The following ACTL6B variants were observed in gnomAD, a reference collection of about 807,000 sequenced individuals.
The protein encoded by ACTL6B is actin like 6B, also known as actin-like protein 6B.
ACTL6B carries 48 observed loss-of-function variants against 63.3 expected under a neutral mutation model. That is an observed-to-expected ratio of 0.76 (90% CI 0.60 to 0.96). The LOEUF is 0.96. Among genes scored for constraint, ACTL6B ranks in the 50% least tolerant of loss-of-function variants. The probability of loss-of-function intolerance (pLI) is 0.00; values close to 1 mark genes in which losing one functional copy is unlikely to be tolerated. For synonymous variants in ACTL6B, 230 were observed against 223.8 expected (o/e 1.03, Z -0.25); for missense variants, 350 against 572.2 (o/e 0.61, Z 3.96).
At chr7:100,653,216 G>C (rs1418309667) in intron 4 of ACTL6B, among the ~76,000 whole-genome samples, 1 of 152,032 alleles carries the variant, frequency 6.6e-6, no homozygotes, top group Non-Finnish European at 1.5e-5. Flanking sequence ...GTTAGCTGAA[G>C]TAGAAGGATC....
chr7:100,656,211 C>T, intron 1 of ACTL6B, 119 bp downstream of exon 1: 1 of 1,215,238 alleles, frequency 8.2e-7, no homozygotes, highest in African/African-American at 1.6e-5. Context: ...GAGACCCGAG[C>T]CTGAGACTCG....
chr7:100,652,416 C>T (rs1803956771), intron 4 of ACTL6B, among the ~76,000 whole-genome samples: 1 of 124,126 alleles, frequency 8.1e-6, no homozygotes. Flanking sequence ...AGTGAGACTC[C>T]ATCTCAAAAA....
chr7:100,654,432 CATA>C (rs146623180), intron 4 of ACTL6B, among the ~76,000 whole-genome samples: 25,995 of 137,132 alleles, frequency 0.19, 2,661 homozygotes, highest in Middle Eastern at 0.33. Flanking sequence ...CAAAGTTGAC[CATA>C]ATAATAATAA....
rs369668245 is a variant in ACTL6B, at chr7:100,650,030, G to A, written c.467+8C>T. The A allele has an allele frequency of 1.2e-5, 20 of 1,613,046 alleles. No homozygotes were observed. The African/African-American group carries it at 2.5e-4, about 20-fold the overall frequency. ...CACCCAGTCAGAGCAGCTCAGTCCA[G>A]AGGATACGCGGTGAGCACAGCCGTC... On this transcript the variant is annotated splice_region_variant and intron_variant, in intron 5 of 13. Coordinates refer to ENST00000160382, the MANE Select transcript of ACTL6B (RefSeq NM_016188.5).
Position 100,650,061 on chromosome 7 carries a change from TAAG to T in ACTL6B, c.441_443del (p.Phe147del), listed in dbSNP as rs772520618. The stretch of plus-strand genomic sequence containing the variant: ...ACGCGGTGAGCACAGCCGTCTTGCA[TAAG>T]AAGAAGGCAGGAATGTTGTACTGCT... On this transcript the variant is annotated inframe_deletion, in exon 5 of 14. Coordinates refer to ENST00000160382, the MANE Select transcript of ACTL6B (RefSeq NM_016188.5). 1.1e-5 allele frequency: 18 copies of T among 1,613,796 alleles called. No individual in the cohort carries two copies. The highest frequency in any genetic ancestry group is 1.7e-5 in the Admixed American group (1 of 59,978).
Position 100,647,406 on chromosome 7 carries a change from G to A in ACTL6B, c.759+38C>T. Reference sequence around the variant, plus strand: ...CTGTCCCGCCCCCGATTCATGGCAGGGGAGGGGGGTTTCAGGTGGCCCTCT... The same window carrying A: ...CTGTCCCGCCCCCGATTCATGGCAGAGGAGGGGGGTTTCAGGTGGCCCTCT... On this transcript the variant is annotated intron_variant, in intron 8 of 13. Transcript: ENST00000160382. This position sits in a 1 kb window ranked among gnomAD's most constrained non-coding sequence, Gnocchi z 4.4. 6.3e-7 allele frequency: 1 copy of A among 1,599,300 alleles called. No individual in the cohort carries two copies. The highest frequency in any genetic ancestry group is 8.6e-7 in the Non-Finnish European group (1 of 1,167,452).
At chr7:100,654,998 G>T (rs370976935) in intron 4 of ACTL6B, 21 bp downstream of exon 4, 1 of 1,598,212 alleles carries the variant, frequency 6.3e-7, no homozygotes, top group Non-Finnish European at 8.6e-7. Context: ...GGTTGGACAT[G>T]AGGATGGAGG....
At position 100,647,642 on chromosome 7, in the gene ACTL6B, T is replaced by A; in HGVS notation, c.670-109A>T. ...AGCTACCTGGCGCTGCAGGCTCTGC[T>A]GTGCTGCCTGCAAGAGGGGTTTCTC... is the stretch of plus-strand genomic sequence containing the variant. On this transcript the variant is annotated intron_variant, in intron 7 of 13. Coordinates refer to ENST00000160382, the MANE Select transcript of ACTL6B (RefSeq NM_016188.5). This position sits in a 1 kb window ranked among gnomAD's most constrained non-coding sequence, Gnocchi z 4.4. The A allele has an allele frequency of 1.3e-6, 1 of 787,494 alleles. No individual in the cohort carries two copies. Among genetic ancestry groups the A allele is most frequent in the Non-Finnish European group, 2.1e-6 (1 of 485,974 alleles). The allele number at this position is 787,494 out of a possible 1,614,324, so 48.8% of individuals were successfully genotyped here.
chr7:100,644,658 G>A (rs1200999221), intron 13 of ACTL6B, among the ~76,000 whole-genome samples: 2 of 152,014 alleles, frequency 1.3e-5, no homozygotes, highest in Non-Finnish European at 2.9e-5. Context: ...TGTTGCCCAG[G>A]CTGGTCTAGA....
In ACTL6B at chr7:100,655,963, C is replaced by A. The variant is rs1804032711; in HGVS notation, c.26-84G>T. Reference sequence around the variant, plus strand: ...CTCCGAGAGAAAGTCAGGGCAGAGCCACAGTCTCGCCACTTTCAACACCAG... The same window carrying A: ...CTCCGAGAGAAAGTCAGGGCAGAGCAACAGTCTCGCCACTTTCAACACCAG... On this transcript the variant is annotated intron_variant, in intron 1 of 13. Transcript: ENST00000160382. The surrounding 1 kb of genome is among the most constrained non-coding windows in gnomAD (Gnocchi z 4.4). 1.2e-5 allele frequency: 17 copies of A among 1,382,902 alleles called. 1 individual carries two copies. In the South Asian group the frequency reaches 2.2e-4, roughly 17 times the overall value. The allele number at this position is 1,382,902 out of a possible 1,614,324, so 85.7% of individuals were successfully genotyped here.
chr7:100,655,138 C>A lies in ACTL6B; in HGVS notation c.269-19G>T. On this transcript the variant is annotated intron_variant, in intron 3 of 13. Coordinates refer to ENST00000160382, the MANE Select transcript of ACTL6B (RefSeq NM_016188.5). The surrounding 1 kb of genome is among the most constrained non-coding windows in gnomAD (Gnocchi z 4.4). ...TCCTCGACTGGGGCCAGAAGAGCAG[C>A]GTGCAGAGACGCAAGAAGGCAGGCA... 1 of 1,596,028 alleles carries A rather than the reference C, an allele frequency of 6.3e-7. No individual in the cohort carries two copies. The highest frequency in any genetic ancestry group is 8.6e-7 in the Non-Finnish European group (1 of 1,164,164).
chr7:100,643,331 G>T lies in ACTL6B; in HGVS notation c.1201-5C>A, dbSNP rs1416511272. 3.1e-6 allele frequency: 5 copies of T among 1,613,510 alleles called. No individual in the cohort carries two copies. The highest frequency in any genetic ancestry group is 4.2e-6 in the Non-Finnish European group (5 of 1,179,966). ...CCACATCTGCTGGAAAGTGCCCTGG[G>T]TGGAGGGGGTAATATCAGGGTCAGG... On this transcript the variant is annotated splice_polypyrimidine_tract_variant and splice_region_variant and intron_variant, in intron 13 of 13. Transcript: ENST00000160382.
At position 100,646,909 on chromosome 7, in the gene ACTL6B, C is replaced by G; in HGVS notation, c.936+62G>C. 4 of 1,602,740 alleles carry G rather than the reference C, an allele frequency of 2.5e-6. No individual in the cohort carries two copies. The highest frequency in any genetic ancestry group is 2.2e-5 in the East Asian group (1 of 44,728). ...CCCTGCAATCCTTCCCAGCCTCCCC[C>G]ACGCCCCAGGATCCAGGGACTGCAG... is the stretch of plus-strand genomic sequence containing the variant. On this transcript the variant is annotated intron_variant, in intron 10 of 13. Transcript: ENST00000160382. This position sits in a 1 kb window ranked among gnomAD's most constrained non-coding sequence, Gnocchi z 6.1.
intron 4 of ACTL6B, among the ~76,000 whole-genome samples, chr7:100,650,654 T>C (rs75277881): frequency 0.047 from 7,194 of 151,892 alleles, 229 homozygotes; most frequent in South Asian, 0.069. Flanking sequence ...CTGGACAACA[T>C]AGTGAGATGC....
intron 4 of ACTL6B, among the ~76,000 whole-genome samples, chr7:100,652,784 C>T (rs911991443): frequency 6.6e-5 from 10 of 150,542 alleles, no homozygotes; most frequent in Admixed American, 2.7e-4. Flanking sequence ...CGGTGGATCA[C>T]GAGGTCAAGA....
intron 5 of ACTL6B, chr7:100,649,830 G>C (rs1452424843): frequency 1.9e-6 from 1 of 520,496 alleles, no homozygotes; most frequent in Non-Finnish European, 3.5e-6. Flanking sequence ...CCGGGGAACC[G>C]AAAGGGGCCG....
intron 4 of ACTL6B, 35 bp downstream of exon 4, chr7:100,654,984 T>C: frequency 6.4e-7 from 1 of 1,559,850 alleles, no homozygotes; most frequent in Non-Finnish European, 8.8e-7. Context: ...GCAGTGGAGA[T>C]CAGGGTTGGA....
chr7:100,647,425 G>A lies in ACTL6B; in HGVS notation c.759+19C>T. 1.2e-6 allele frequency: 2 copies of A among 1,606,520 alleles called. No individual in the cohort carries two copies. Among genetic ancestry groups the A allele is most frequent in the Non-Finnish European group, 8.5e-7 (1 of 1,173,896 alleles). On this transcript the variant is annotated intron_variant, in intron 8 of 13. Coordinates refer to ENST00000160382, the MANE Select transcript of ACTL6B (RefSeq NM_016188.5). The surrounding 1 kb of genome is among the most constrained non-coding windows in gnomAD (Gnocchi z 4.4). Reference sequence around the variant, plus strand: ...TGGCAGGGGAGGGGGGTTTCAGGTGGCCCTCTCCAGAGGCTCACATTACAC... The same window carrying A: ...TGGCAGGGGAGGGGGGTTTCAGGTGACCCTCTCCAGAGGCTCACATTACAC...
chr7:100,648,771 T>C lies in ACTL6B; in HGVS notation c.520A>G (p.Thr174Ala), dbSNP rs1803873862. The C allele has an allele frequency of 6.2e-7, 1 of 1,614,072 alleles. No homozygotes were observed. The highest frequency in any genetic ancestry group is 8.5e-7 in the Non-Finnish European group (1 of 1,180,008). The change falls in exon 6 of 14, where the codon ACC becomes GCC. Residue 174 changes from threonine to alanine, a missense_variant. Transcript: ENST00000160382. The surrounding 1 kb of genome is among the most constrained non-coding windows in gnomAD (Gnocchi z 4.4). The stretch of plus-strand genomic sequence containing the variant: ...CCGTCATGTACTGGAATGGCCGTGG[T>C]GTGGGTGGCTCCACTGTCCAGCACG... ...GLVLDSGATH[T>A]TAIPVHDGYV...
Sources: allele counts gnomAD v4.1 joint callset (sites outside exome capture counted in the v4.1 genomes callset), GRCh38; gene constraint gnomAD v4.1.1; non-coding constraint Gnocchi (gnomAD v3.1); transcripts MANE v1.5; gene names NCBI Gene and HGNC (gene_info 2026-07-23, HGNC 2026-07-21).